The following PCDH15 variants were observed in gnomAD, a reference collection of about 807,000 sequenced individuals.
PCDH15 encodes the protein protocadherin-15.
PCDH15 carries 129 observed loss-of-function variants against 178.5 expected under a neutral mutation model. The observed-to-expected ratio is 0.72, with a 90% confidence interval of 0.63 to 0.84. The LOEUF (loss-of-function observed/expected upper bound fraction) is 0.84, where lower values mean the gene tolerates loss of function less well. Among genes scored for constraint, PCDH15 ranks in the 40% least tolerant of loss-of-function variants. The pLI is 0.00. For synonymous variants in PCDH15, 800 were observed against 732.0 expected (o/e 1.09, Z -1.50); for missense variants, 2,230 against 2,099.9 (o/e 1.06, Z -1.21).
intron 1 of PCDH15, among the ~76,000 whole-genome samples, chr10:54,783,812 A>G (rs931660411): frequency 3.3e-5 from 5 of 152,136 alleles, no homozygotes; most frequent in African/African-American, 1.2e-4. Flanking sequence ...TTCACCACTC[A>G]AGTGATGGGT....
At chr10:53,898,027 C>T (rs1337343065) in intron 26 of PCDH15, among the ~76,000 whole-genome samples, 2 of 122,956 alleles carry the variant, frequency 1.6e-5, no homozygotes, top group African/African-American at 6.5e-5. Context: ...AGTGCAGTGG[C>T]GTGATTTCGG....
chr10:54,756,668 G>C (rs10128496), intron 1 of PCDH15, among the ~76,000 whole-genome samples: 1 of 151,748 alleles, frequency 6.6e-6, no homozygotes, highest in African/African-American at 2.4e-5. Flanking sequence ...TCATTTATGT[G>C]AGCGTGTGTA....
At chr10:54,870,238 T>G (rs1264776903) in intron 3 of PCDH15, among the ~76,000 whole-genome samples, 3 of 152,100 alleles carry the variant, frequency 2.0e-5, no homozygotes, top group Non-Finnish European at 2.9e-5. Flanking sequence ...AATTGGAAAT[T>G]TTGTATTAAA....
intron 2 of PCDH15, among the ~76,000 whole-genome samples, chr10:55,504,461 A>G (rs1253829223): frequency 1.3e-5 from 2 of 151,430 alleles, no homozygotes; most frequent in Non-Finnish European, 3.0e-5. Context: ...AAATTTGGTA[A>G]AGTGTTTAAA....
chr10:55,216,747 T>C (rs1840714367), intron 1 of PCDH15, among the ~76,000 whole-genome samples: 1 of 151,866 alleles, frequency 6.6e-6, no homozygotes, highest in African/African-American at 2.4e-5. Flanking sequence ...ACTCAAAAAA[T>C]TTTACCTAAG....
intron 22 of PCDH15, 141 bp downstream of exon 22, chr10:53,961,611 C>T: frequency 1.9e-6 from 1 of 539,718 alleles, no homozygotes; most frequent in Non-Finnish European, 2.9e-6. Flanking sequence ...TTGTAAGTTT[C>T]TAAGAGAAAA....
At chr10:55,083,914 A>T (rs1367431538) in intron 2 of PCDH15, among the ~76,000 whole-genome samples, 1 of 151,904 alleles carries the variant, frequency 6.6e-6, no homozygotes, top group Admixed American at 6.6e-5. Flanking sequence ...TTGACACAAG[A>T]AATCAAAGGA....
intron 1 of PCDH15, among the ~76,000 whole-genome samples, chr10:55,185,853 G>A (rs1212397676): frequency 6.6e-6 from 1 of 151,632 alleles, no homozygotes; most frequent in Non-Finnish European, 1.5e-5. Context: ...GAAAAGAACA[G>A]TACCTGTAAA....
chr10:54,161,547 G>A (rs1281716254), intron 13 of PCDH15, among the ~76,000 whole-genome samples: 1 of 151,712 alleles, frequency 6.6e-6, no homozygotes, highest in Non-Finnish European at 1.5e-5. Flanking sequence ...TCATGGAACT[G>A]ATGTTTACTG....
chr10:54,057,540 A>C (rs1911384), intron 18 of PCDH15, among the ~76,000 whole-genome samples: 91,209 of 151,874 alleles, frequency 0.6, 27,539 homozygotes, highest in Middle Eastern at 0.75. Context: ...GCACTAAGTC[A>C]TGAGGATACA....
intron 2 of PCDH15, among the ~76,000 whole-genome samples, chr10:55,435,620 T>C (rs1040849987): frequency 3.3e-5 from 5 of 151,926 alleles, no homozygotes; most frequent in African/African-American, 1.2e-4. Flanking sequence ...CTCAATTAAA[T>C]TTTTAAAAAT....
Position 54,213,922 on chromosome 10 carries a change from T to C in PCDH15, c.1098+14A>G, listed in dbSNP as rs764625426. 2.0e-6 allele frequency: 3 copies of C among 1,465,200 alleles called. No homozygotes were observed. The highest frequency in any genetic ancestry group is 2.9e-6 in the Non-Finnish European group (3 of 1,045,816). The allele number at this position is 1,465,200 out of a possible 1,614,324, so 90.8% of individuals were successfully genotyped here. On this transcript the variant is annotated intron_variant, in intron 10 of 37. Transcript: ENST00000644397. ...TTCATAAACACAAGGAAATAAGATATTAGCTTAATTTACCTTAATAACCAA... is the reference window on the plus strand; with the variant it reads ...TTCATAAACACAAGGAAATAAGATACTAGCTTAATTTACCTTAATAACCAA...
intron 2 of PCDH15, among the ~76,000 whole-genome samples, chr10:55,402,040 G>A (rs969852031): frequency 6.6e-6 from 1 of 151,272 alleles, no homozygotes; most frequent in Non-Finnish European, 1.5e-5. Context: ...CTCTCTAATT[G>A]CAAAGGTCCC....
chr10:54,601,913 A>G (rs185627090), intron 2 of PCDH15, among the ~76,000 whole-genome samples: 71 of 152,124 alleles, frequency 4.7e-4, no homozygotes, highest in Non-Finnish European at 6.6e-4. Context: ...GTTCTCACTT[A>G]TAAGTGGGAG....
intron 2 of PCDH15, among the ~76,000 whole-genome samples, chr10:55,402,041 C>G (rs1375098074): frequency 6.6e-6 from 1 of 151,360 alleles, no homozygotes; most frequent in Non-Finnish European, 1.5e-5. Flanking sequence ...TCTCTAATTG[C>G]AAAGGTCCCC....
At chr10:55,090,839 T>G (rs992999592) in intron 2 of PCDH15, among the ~76,000 whole-genome samples, 2 of 152,054 alleles carry the variant, frequency 1.3e-5, no homozygotes, top group African/African-American at 4.8e-5. Context: ...TCTTAGAAAT[T>G]CAGACATTAG....
chr10:54,344,980 T>TA (rs1565028493), intron 6 of PCDH15, among the ~76,000 whole-genome samples: 6 of 127,734 alleles, frequency 4.7e-5, no homozygotes, highest in South Asian at 2.4e-4. Flanking sequence ...ATATATATAT[T>TA]ATATATATAT....
intron 2 of PCDH15, among the ~76,000 whole-genome samples, chr10:55,100,618 A>C (rs546402443): frequency 3.9e-4 from 60 of 152,128 alleles, no homozygotes; most frequent in Admixed American, 1.4e-3. Flanking sequence ...CAAGAGAGGA[A>C]GCAAGAGAGG....
At chr10:55,327,635 C>A (rs1844068254) in intron 2 of PCDH15, among the ~76,000 whole-genome samples, 2 of 151,840 alleles carry the variant, frequency 1.3e-5, no homozygotes, top group Non-Finnish European at 2.9e-5. Flanking sequence ...TAAAAAAAAT[C>A]AGCATAATGT....
Sources: gnomAD v4.1 joint callset for allele counts (sites outside exome capture counted in the v4.1 genomes callset) on GRCh38, gnomAD v4.1.1 for gene constraint, MANE v1.5 for transcripts, NCBI Gene and HGNC (gene_info 2026-07-23, HGNC 2026-07-21) for gene names.